GALNT13: variants seen among roughly 807,000 people sequenced by gnomAD.
GALNT13 encodes UDP-GalNAc:polypeptide N-acetylgalactosaminyltransferase 13.
Under a neutral mutation model 64.2 loss-of-function variants are expected in GALNT13, and 28 were observed. The observed-to-expected ratio is 0.44, with a 90% confidence interval of 0.32 to 0.60. GALNT13 has a LOEUF of 0.60. GALNT13 is among the 20% of genes least tolerant of loss of function. The pLI is 0.05. For synonymous variants in GALNT13, 214 were observed against 224.6 expected (o/e 0.95, Z 0.42); for missense variants, 577 against 669.8 (o/e 0.86, Z 1.53).
At chr2:153,258,995 T>C in the GALNT13 span, among the ~76,000 whole-genome samples, 1 of 152,188 alleles carries the variant, frequency 6.6e-6, no homozygotes, top group Non-Finnish European at 1.5e-5. Context: ...TGTCTGATGT[T>C]TCTTTGTCGG....
At chr2:154,155,648 G>A (rs1032998296) in intron 4 of GALNT13, among the ~76,000 whole-genome samples, 1 of 151,946 alleles carries the variant, frequency 6.6e-6, no homozygotes, top group Non-Finnish European at 1.5e-5. Context: ...GTTAGCATCT[G>A]TCTAAAAATT....
At chr2:154,314,557 C>T (rs988232966) in intron 9 of GALNT13, among the ~76,000 whole-genome samples, 1 of 152,162 alleles carries the variant, frequency 6.6e-6, no homozygotes, top group African/African-American at 2.4e-5. Context: ...GCATCAGAAT[C>T]TGCCTGGCTT....
the GALNT13 span, among the ~76,000 whole-genome samples, chr2:153,824,095 G>C: frequency 2.6e-5 from 4 of 152,070 alleles, no homozygotes; most frequent in Non-Finnish European, 5.9e-5. Flanking sequence ...CAGAACGGCT[G>C]TTATTAAAAA....
At chr2:153,645,779 A>G in the GALNT13 span, among the ~76,000 whole-genome samples, 21 of 152,164 alleles carry the variant, frequency 1.4e-4, no homozygotes, top group African/African-American at 4.8e-4. Context: ...CAGGATCTTC[A>G]TTTTACATTC....
At chr2:153,397,620 C>T in the GALNT13 span, among the ~76,000 whole-genome samples, 1 of 150,444 alleles carries the variant, frequency 6.6e-6, no homozygotes, top group African/African-American at 2.4e-5. Context: ...GCTTTGTTGT[C>T]GGGAGGGAAG....
chr2:153,393,240 G>C, the GALNT13 span, among the ~76,000 whole-genome samples: 1 of 151,372 alleles, frequency 6.6e-6, no homozygotes, highest in Non-Finnish European at 1.5e-5. Flanking sequence ...TTATTTTGTA[G>C]TCTCAATAAC....
chr2:154,028,720 G>A (rs565902262), intron 3 of GALNT13, among the ~76,000 whole-genome samples: 19 of 151,602 alleles, frequency 1.3e-4, no homozygotes, highest in African/African-American at 4.1e-4. Context: ...CATTTTGTGG[G>A]GCATAATTAT....
chr2:153,085,126 T>C, the GALNT13 span, among the ~76,000 whole-genome samples: 54 of 152,106 alleles, frequency 3.6e-4, 1 homozygote, highest in East Asian at 9.1e-3. Context: ...TGCCCTAGAG[T>C]TCTGTGGAAC....
intron 9 of GALNT13, among the ~76,000 whole-genome samples, chr2:154,340,904 G>A (rs1695726107): frequency 7.0e-6 from 1 of 143,286 alleles, no homozygotes; most frequent in Non-Finnish European, 1.5e-5. Flanking sequence ...GTATGAGTGT[G>A]TGTGTGTGTG....
intron 4 of GALNT13, among the ~76,000 whole-genome samples, chr2:154,217,270 C>T (rs966091732): frequency 6.6e-6 from 1 of 151,976 alleles, no homozygotes; most frequent in Non-Finnish European, 1.5e-5. Flanking sequence ...CAATGAAATT[C>T]TCATTATTTT....
chr2:153,334,654 A>G, the GALNT13 span, among the ~76,000 whole-genome samples: 1 of 152,310 alleles, frequency 6.6e-6, no homozygotes, highest in East Asian at 1.9e-4. Context: ...TGCCTTTAAG[A>G]TATGAATTAT....
At chr2:153,539,708 T>G in the GALNT13 span, among the ~76,000 whole-genome samples, 1 of 151,280 alleles carries the variant, frequency 6.6e-6, no homozygotes, top group Non-Finnish European at 1.5e-5. Context: ...GTTGTAGATA[T>G]GCGGCGTTAT....
the GALNT13 span, among the ~76,000 whole-genome samples, chr2:153,694,177 T>C: frequency 6.6e-6 from 1 of 152,182 alleles, no homozygotes. Flanking sequence ...GAAGGTACTT[T>C]CTTTGGGTAA....
the GALNT13 span, among the ~76,000 whole-genome samples, chr2:153,516,200 T>A: frequency 2.6e-5 from 4 of 152,236 alleles, no homozygotes; most frequent in African/African-American, 4.8e-5. Context: ...TATCAATATG[T>A]CTTCAAAAGT....
intron 4 of GALNT13, among the ~76,000 whole-genome samples, chr2:154,155,323 T>C (rs982504633): frequency 6.6e-6 from 1 of 152,086 alleles, no homozygotes; most frequent in Non-Finnish European, 1.5e-5. Flanking sequence ...TTTTTATTCG[T>C]CTCATGGAAG....
the GALNT13 span, among the ~76,000 whole-genome samples, chr2:153,563,661 C>T: frequency 1.3e-5 from 2 of 151,732 alleles, no homozygotes; most frequent in South Asian, 4.2e-4. Flanking sequence ...TTGGTACCTC[C>T]CCTCATCTAC....
chr2:153,171,351 A>T, the GALNT13 span, among the ~76,000 whole-genome samples: 2 of 152,242 alleles, frequency 1.3e-5, no homozygotes, highest in Non-Finnish European at 2.9e-5. Context: ...CATTAGTTTT[A>T]AAAAGCATGT....
intron 3 of GALNT13, among the ~76,000 whole-genome samples, chr2:154,075,146 C>T (rs188808352): frequency 6.6e-5 from 10 of 151,788 alleles, no homozygotes; most frequent in Non-Finnish European, 1.2e-4. Context: ...GTGAGAGGAT[C>T]AAAAAACTAC....
chr2:153,809,532 T>G, the GALNT13 span, among the ~76,000 whole-genome samples: 1 of 152,138 alleles, frequency 6.6e-6, no homozygotes, highest in South Asian at 2.1e-4. Flanking sequence ...CTTCCCAAAC[T>G]TTTGAACAAA....
Sources: gnomAD v4.1 joint callset for allele counts (sites outside exome capture counted in the v4.1 genomes callset) on GRCh38, gnomAD v4.1.1 for gene constraint, MANE v1.5 for transcripts, NCBI Gene and HGNC (gene_info 2026-07-23, HGNC 2026-07-21) for gene names.